The following RPSA2 variants were observed in gnomAD, a reference collection of about 807,000 sequenced individuals.
RPSA2 encodes ribosomal protein SA 2, also known as small ribosomal subunit protein uS2B.
At chr19:23,794,054 G>A in the RPSA2 span, among the ~76,000 whole-genome samples, 1 of 152,206 alleles carries the variant, frequency 6.6e-6, no homozygotes, top group Non-Finnish European at 1.5e-5. Flanking sequence ...TTACAGGCAT[G>A]AGCCATTGTG....
At chr19:23,797,372 T>C in the RPSA2 span, among the ~76,000 whole-genome samples, 6 of 152,198 alleles carry the variant, frequency 3.9e-5, no homozygotes, top group Non-Finnish European at 8.8e-5. Flanking sequence ...CCTCCCAAAG[T>C]GCTGGGATTA....
the RPSA2 span, among the ~76,000 whole-genome samples, chr19:23,760,399 AT>A: frequency 3.3e-5 from 5 of 152,090 alleles, no homozygotes; most frequent in East Asian, 9.6e-4. Flanking sequence ...AGACAATAAC[AT>A]TTTTAAAATG....
the RPSA2 span, among the ~76,000 whole-genome samples, chr19:23,808,272 A>AT: frequency 7.9e-6 from 1 of 126,956 alleles, no homozygotes; most frequent in African/African-American, 2.9e-5. Context: ...TACAAAATTA[A>AT]TTTTTTTTTT....
chr19:23,858,038 A>C, the RPSA2 span, among the ~76,000 whole-genome samples: 3 of 152,066 alleles, frequency 2.0e-5, no homozygotes, highest in African/African-American at 7.2e-5. Context: ...ATTGCATAGA[A>C]TCATTTGGCT....
chr19:23,789,634 C>T, the RPSA2 span, among the ~76,000 whole-genome samples: 102 of 152,228 alleles, frequency 6.7e-4, no homozygotes, highest in African/African-American at 2.3e-3. Flanking sequence ...AATTACCACT[C>T]TCTCACATAT....
chr19:23,833,152 T>C, the RPSA2 span: 1 of 1,197,658 alleles, frequency 8.3e-7, no homozygotes, highest in Non-Finnish European at 1.1e-6. Flanking sequence ...ATGGGAAGAA[T>C]GTGCCAATGC....
chr19:23,779,647 G>T, the RPSA2 span, among the ~76,000 whole-genome samples: 1 of 152,196 alleles, frequency 6.6e-6, no homozygotes, highest in Non-Finnish European at 1.5e-5. Flanking sequence ...TAGCAACCAC[G>T]TATTTTGGGT....
At chr19:23,827,841 T>G in the RPSA2 span, 2 of 1,445,970 alleles carry the variant, frequency 1.4e-6, no homozygotes, top group Middle Eastern at 2.4e-4. Flanking sequence ...AAGGAGGAAT[T>G]TCAGGGTGAA....
At chr19:23,865,636 A>C in the RPSA2 span, among the ~76,000 whole-genome samples, 1 of 152,316 alleles carries the variant, frequency 6.6e-6, no homozygotes, top group Admixed American at 6.5e-5. Flanking sequence ...TTTGCTAAGC[A>C]GAAAAAAAGA....
At chr19:23,843,105 C>A in the RPSA2 span, 21 of 155,792 alleles carry the variant, frequency 1.3e-4, no homozygotes, top group East Asian at 3.8e-3. Flanking sequence ...ATTCTCTCCT[C>A]TGTACTAAAC....
chr19:23,807,363 T>C, the RPSA2 span, among the ~76,000 whole-genome samples: 1 of 152,220 alleles, frequency 6.6e-6, no homozygotes, highest in African/African-American at 2.4e-5. Flanking sequence ...TCAGACTTTA[T>C]TTCAGATCTC....
chr19:23,794,124 C>T, the RPSA2 span, among the ~76,000 whole-genome samples: 7 of 152,100 alleles, frequency 4.6e-5, no homozygotes, highest in Admixed American at 2.0e-4. Flanking sequence ...AAGTTGATTC[C>T]ATGTCTTTGT....
At chr19:23,782,411 A>T in the RPSA2 span, 1 of 152,062 alleles carries the variant, frequency 6.6e-6, no homozygotes, top group East Asian at 1.9e-4. Flanking sequence ...CACTAAGATG[A>T]TGTGAGTCCT....
the RPSA2 span, among the ~76,000 whole-genome samples, chr19:23,843,821 A>T: frequency 2.0e-5 from 3 of 151,946 alleles, no homozygotes; most frequent in Non-Finnish European, 4.4e-5. Flanking sequence ...GTGCAATGGC[A>T]TGGTCTCAGC....
At chr19:23,852,444 G>T in the RPSA2 span, among the ~76,000 whole-genome samples, 3 of 152,126 alleles carry the variant, frequency 2.0e-5, no homozygotes, top group East Asian at 3.8e-4. Context: ...ATTTACCTAC[G>T]TATTTACTAA....
the RPSA2 span, among the ~76,000 whole-genome samples, chr19:23,786,633 G>A: frequency 6.6e-6 from 1 of 152,236 alleles, no homozygotes; most frequent in Non-Finnish European, 1.5e-5. Context: ...GGGACTGCGT[G>A]CAGGGGACCT....
the RPSA2 span, among the ~76,000 whole-genome samples, chr19:23,779,999 T>C: frequency 1.3e-5 from 2 of 152,188 alleles, no homozygotes; most frequent in Non-Finnish European, 2.9e-5. Context: ...CCTGCGTGAT[T>C]TCTGCCAAGA....
the RPSA2 span, among the ~76,000 whole-genome samples, chr19:23,769,084 CTG>C: frequency 6.6e-6 from 1 of 152,234 alleles, no homozygotes; most frequent in Non-Finnish European, 1.5e-5. Flanking sequence ...CCAGAAGTCA[CTG>C]TAACATATAT....
the RPSA2 span, among the ~76,000 whole-genome samples, chr19:23,810,156 G>A: frequency 1.4e-4 from 22 of 152,082 alleles, 1 homozygote; most frequent in African/African-American, 5.1e-4. Flanking sequence ...CACTGTGGGA[G>A]GCCGAGGCGG....
Sources: gnomAD v4.1 joint callset for allele counts (sites outside exome capture counted in the v4.1 genomes callset) on GRCh38, gnomAD v4.1.1 for gene constraint, MANE v1.5 for transcripts, NCBI Gene and HGNC (gene_info 2026-07-23, HGNC 2026-07-21) for gene names.